CLEC2D: variants seen among roughly 807,000 people sequenced by gnomAD.
CLEC2D encodes the protein C-type lectin domain family 2 member D.
In CLEC2D, 16 loss-of-function variants were observed where a neutral mutation model predicts 20.0. The ratio of observed to expected loss-of-function variants is 0.80; its 90% CI spans 0.54 to 1.22. CLEC2D has a LOEUF of 1.22. Among genes scored for constraint, CLEC2D ranks in the 50% most tolerant of loss-of-function variants. CLEC2D has a pLI of 0.00. For missense variants in CLEC2D, 207 were observed against 221.5 expected (o/e 0.93, Z 0.42); for synonymous variants, 77 against 71.1 (o/e 1.08, Z -0.42).
Position 9,695,410 on chromosome 12 carries a change from G to C in CLEC2D, c.*536G>C, listed in dbSNP as rs139477911. ...TGGAAGATTCGATGGACATGGACAT[G>C]AGCCCCCTGAGGCCCCAGAACTATC... On this transcript the variant is annotated 3_prime_UTR_variant, in exon 5 of 5. Coordinates refer to ENST00000290855, the MANE Select transcript of CLEC2D (RefSeq NM_013269.6). The C allele has an allele frequency of 3.6e-3, 5,355 of 1,483,786 alleles. 18 individuals carry two copies. The highest frequency in any genetic ancestry group is 4.8e-3 in the South Asian group (431 of 89,038). The allele number at this position is 1,483,786 out of a possible 1,614,324, so 91.9% of individuals were successfully genotyped here. A position where few individuals can be genotyped will look rare whatever the true frequency, so the allele number is the denominator to read the frequency against.
chr12:9,677,169 T>C (rs1444798773), intron 1 of CLEC2D, among the ~76,000 whole-genome samples: 1 of 152,258 alleles, frequency 6.6e-6, no homozygotes, highest in South Asian at 2.1e-4. Flanking sequence ...TGATTTGCTC[T>C]TCTATTTCTA....
At chr12:9,690,771 A>T (rs1046346986) in intron 3 of CLEC2D, among the ~76,000 whole-genome samples, 8 of 152,028 alleles carry the variant, frequency 5.3e-5, no homozygotes, top group African/African-American at 1.9e-4. Context: ...CAGAAAAGGA[A>T]AAAAGAAAAA....
chr12:9,685,232 G>A (rs1359764147), intron 2 of CLEC2D, among the ~76,000 whole-genome samples: 1 of 152,184 alleles, frequency 6.6e-6, no homozygotes, highest in Non-Finnish European at 1.5e-5. Flanking sequence ...AGAGGGGCAC[G>A]CACCAGATGC....
In CLEC2D at chr12:9,695,345, G is replaced by A. The variant is rs752859833; in HGVS notation, c.*471G>A. On this transcript the variant is annotated 3_prime_UTR_variant, in exon 5 of 5. Coordinates refer to ENST00000290855, the MANE Select transcript of CLEC2D (RefSeq NM_013269.6). ...TCTGGAGCAGCATTCATTTATCTTC[G>A]TCTGCCTTGTCTCCTACCTAAGTGT... is the stretch of plus-strand genomic sequence containing the variant. 20 of 1,042,082 alleles carry A rather than the reference G, an allele frequency of 1.9e-5. No individual in the cohort carries two copies. Among genetic ancestry groups the A allele is most frequent in the African/African-American group, 8.0e-5 (5 of 62,460 alleles). 64.6% of individuals were successfully genotyped at this position (1,042,082 alleles called of 1,614,324 possible). A position where few individuals can be genotyped will look rare whatever the true frequency, so the allele number is the denominator to read the frequency against.
In CLEC2D at chr12:9,699,463, A is replaced by C. The variant is rs1240679515; in HGVS notation, c.*4589A>C. On this transcript the variant is annotated 3_prime_UTR_variant, in exon 5 of 5. Transcript: ENST00000290855. Reference sequence around the variant, plus strand: ...AATGTTCATGCCTGCTTTTCATTGAAATAGAATGAAAAGGTTGCACAATAT... The same window carrying C: ...AATGTTCATGCCTGCTTTTCATTGACATAGAATGAAAAGGTTGCACAATAT... 4 of 152,216 alleles carry C rather than the reference A, an allele frequency of 2.6e-5. No homozygotes were observed. Among genetic ancestry groups the C allele is most frequent in the Admixed American group, 1.3e-4 (2 of 15,284 alleles). 9.4% of individuals were successfully genotyped at this position (152,216 alleles called of 1,614,324 possible). A position where few individuals can be genotyped will look rare whatever the true frequency, so the allele number is the denominator to read the frequency against.
intron 3 of CLEC2D, among the ~76,000 whole-genome samples, chr12:9,692,455 A>G (rs763951390): frequency 1.3e-5 from 2 of 152,208 alleles, no homozygotes; most frequent in South Asian, 4.1e-4. Flanking sequence ...AAAGTTGACA[A>G]AAAGCATATC....
intron 3 of CLEC2D, among the ~76,000 whole-genome samples, chr12:9,690,478 T>C (rs753829628): frequency 6.6e-6 from 1 of 152,024 alleles, no homozygotes; most frequent in African/African-American, 2.4e-5. Context: ...AATTACTACA[T>C]GTGTCATATA....
In CLEC2D at chr12:9,686,794, A is replaced by G. The variant is rs764815237; in HGVS notation, c.173-1108A>G. Among the ~76,000 whole-genome samples, 374 of 152,352 alleles carry G rather than the reference A, an allele frequency of 2.5e-3. 1 individual carries two copies. The highest frequency in any genetic ancestry group is 3.9e-3 in the Non-Finnish European group (268 of 68,038). On this transcript the variant is annotated intron_variant, in intron 2 of 4. Transcript: ENST00000290855. ...CTCCTGATTATATAAGAAGTGGGTC[A>G]GAAAAGCCTGTCCAGTGAAGTATTG...
At chr12:9,675,664 ATATT>A (rs1022119125) in intron 1 of CLEC2D, among the ~76,000 whole-genome samples, 37 of 152,230 alleles carry the variant, frequency 2.4e-4, no homozygotes, top group African/African-American at 8.7e-4. Flanking sequence ...CAGTTTGTTG[ATATT>A]TATACAATAA....
intron 1 of CLEC2D, among the ~76,000 whole-genome samples, chr12:9,672,498 C>G (rs1277303863): frequency 2.0e-5 from 3 of 152,262 alleles, no homozygotes. Flanking sequence ...CCTGGCTGCC[C>G]TTAATATTTT....
intron 3 of CLEC2D, among the ~76,000 whole-genome samples, chr12:9,691,842 A>T (rs969580719): frequency 6.6e-6 from 1 of 152,230 alleles, no homozygotes; most frequent in African/African-American, 2.4e-5. Context: ...ACTGTAAGGA[A>T]CTAAAAAAAG....
rs1865995590 is a variant in CLEC2D at position 9,696,432 on chromosome 12, G to T, written c.*1558G>T. ...AAAGATGGAACTCCACCCTTTGCTT[G>T]GTTTTAAGTATGTATGGGATGCTAT... On this transcript the variant is annotated 3_prime_UTR_variant, in exon 5 of 5. Coordinates refer to ENST00000290855, the MANE Select transcript of CLEC2D (RefSeq NM_013269.6). 2.2e-6 allele frequency: 1 copy of T among 454,692 alleles called. No homozygotes were observed. Among genetic ancestry groups the T allele is most frequent in the Non-Finnish European group, 4.1e-6 (1 of 246,572 alleles). 28.2% of individuals were successfully genotyped at this position (454,692 alleles called of 1,614,324 possible). A position where few individuals can be genotyped will look rare whatever the true frequency, so the allele number is the denominator to read the frequency against.
Position 9,696,548 on chromosome 12 carries a change from TAAA to T in CLEC2D, c.*1687_*1689del, listed in dbSNP as rs56394007. 3.5e-3 allele frequency: 535 copies of T among 152,166 alleles called. No homozygotes were observed. Among genetic ancestry groups the T allele is most frequent in the East Asian group, 9.4e-3 (76 of 8,086 alleles). 9.4% of individuals were successfully genotyped at this position (152,166 alleles called of 1,614,324 possible). On this transcript the variant is annotated 3_prime_UTR_variant, in exon 5 of 5. Coordinates refer to ENST00000290855, the MANE Select transcript of CLEC2D (RefSeq NM_013269.6). ...AATAAAACTCAGTATTTTAATAAAG[TAAA>T]AAAAAAAAAAAAGGTATGGGGAAAA...
In CLEC2D at chr12:9,669,756, G is replaced by A; in HGVS notation, c.22G>A (p.Glu8Lys). MHDSNNV[E>K]KDITPSELPA... ...CAAAATGCATGACAGTAACAATGTG[G>A]AGAAAGACATTACACCATCTGAATT... is the stretch of plus-strand genomic sequence containing the variant. Residue 8 changes from glutamate to lysine, a missense_variant, in exon 1 of 5, where the codon GAG becomes AAG. Coordinates refer to ENST00000290855, the MANE Select transcript of CLEC2D (RefSeq NM_013269.6). 1 of 1,613,870 alleles carries A rather than the reference G, an allele frequency of 6.2e-7. No individual in the cohort carries two copies.
rs10772046 is a variant in CLEC2D at position 9,699,212 on chromosome 12, G to C, written c.*4338G>C. Reference sequence around the variant, plus strand: ...ATCACCATCTATACCCCATTGCTTGGTGGGGTGATCACTCTGATTCTCTGC... The same window carrying C: ...ATCACCATCTATACCCCATTGCTTGCTGGGGTGATCACTCTGATTCTCTGC... On this transcript the variant is annotated 3_prime_UTR_variant, in exon 5 of 5. Transcript: ENST00000290855. The C allele has an allele frequency of 2.6e-5, 4 of 151,412 alleles. 1 individual carries two copies. The South Asian group carries it at 8.3e-4, about 31-fold the overall frequency. The allele number at this position is 151,412 out of a possible 1,614,324, so 9.4% of individuals were successfully genotyped here.
intron 2 of CLEC2D, among the ~76,000 whole-genome samples, chr12:9,683,541 A>G (rs1040124218): frequency 6.6e-6 from 1 of 152,000 alleles, no homozygotes; most frequent in Admixed American, 6.6e-5. Flanking sequence ...TCTTGAGCTA[A>G]TTTTTGTGTA....
At position 9,669,747 on chromosome 12, in the gene CLEC2D, A is replaced by G. The variant is rs2120872198; in HGVS notation, c.13A>G (p.Asn5Asp). 1 of 1,613,810 alleles carries G rather than the reference A, an allele frequency of 6.2e-7. No homozygotes were observed. Among genetic ancestry groups the G allele is most frequent in the Non-Finnish European group, 8.5e-7 (1 of 1,179,710 alleles). Residue 5 changes from asparagine to aspartate, a missense_variant, in exon 1 of 5, where the codon AAC becomes GAC. By Grantham distance (23) the Asn-to-Asp change is conservative. Transcript: ENST00000290855. MHDSNNVEKDITPSE... is the reference protein window; with the variant it reads MHDSDNVEKDITPSE... ...AACTGGAGGCAAAATGCATGACAGT[A>G]ACAATGTGGAGAAAGACATTACACC...
At chr12:9,689,063 G>A (rs989926821) in intron 3 of CLEC2D, among the ~76,000 whole-genome samples, 1 of 152,142 alleles carries the variant, frequency 6.6e-6, no homozygotes, top group Non-Finnish European at 1.5e-5. Flanking sequence ...GCACCTTTTT[G>A]TCCAAATGTC....
At chr12:9,686,321 G>A (rs773411587) in intron 2 of CLEC2D, among the ~76,000 whole-genome samples, 7 of 151,994 alleles carry the variant, frequency 4.6e-5, no homozygotes, top group South Asian at 4.2e-4. Flanking sequence ...TGGTCTGGTC[G>A]TTTTCTTTAA....
Sources: allele counts gnomAD v4.1 joint callset (sites outside exome capture counted in the v4.1 genomes callset), GRCh38; gene constraint gnomAD v4.1.1; transcripts MANE v1.5; gene names NCBI Gene and HGNC (gene_info 2026-07-23, HGNC 2026-07-21).